Variants in PSMD1 observed in about 807,000 individuals in gnomAD.
The protein encoded by PSMD1 is proteasome 26S subunit, non-ATPase 1, also known as 26S proteasome non-ATPase regulatory subunit 1.
A neutral mutation model predicts 119.0 loss-of-function variants in PSMD1; 18 were observed. The ratio of observed to expected loss-of-function variants is 0.15; its 90% confidence interval spans 0.10 to 0.22. The LOEUF is 0.22. Ranked by LOEUF, PSMD1 falls within the 10% of genes least tolerant of loss-of-function variation. The probability of loss-of-function intolerance (pLI) is 1.00; values close to 1 mark genes in which losing one functional copy is unlikely to be tolerated. For synonymous variants in PSMD1, 374 were observed against 396.6 expected, an observed-to-expected ratio of 0.94 and a Z score of 0.68; for missense variants, 702 against 1,158.5, an observed-to-expected ratio of 0.61 and a Z score of 5.72.
Position 231,161,349 on chromosome 2 carries a change from A to G in PSMD1, c.2228A>G (p.Asn743Ser), listed in dbSNP as rs1255485462. Residue 743 changes from asparagine (N) to serine (S), a missense_variant, in exon 20 of 25, where the codon AAT (asparagine) becomes AGT (serine). Asn to Ser is a conservative substitution (Grantham distance 46). Transcript: ENST00000308696. ...CTCTCTTTTTCTACAGGTGGTCATA[A>G]TGTCACAATCTCCTTGCAGTCCAGG... is the stretch of plus-strand genomic sequence containing the variant. ...AQGILDAGGH[N>S]VTISLQSRTG... 1 of 1,608,070 alleles carries G rather than the reference A, an allele frequency of 6.2e-7. No homozygotes were observed. Among genetic ancestry groups the G allele is most frequent in the Non-Finnish European group, 8.5e-7 (1 of 1,177,208 alleles).
intron 13 of PSMD1, 102 bp downstream of exon 13, chr2:231,083,096 G>A (rs1198230201): frequency 1.1e-6 from 1 of 889,172 alleles, no homozygotes; most frequent in Admixed American, 2.9e-5. Flanking sequence ...AAATTCCGAT[G>A]GATTTCTCTA....
chr2:231,076,464 C>T (rs531130086), intron 8 of PSMD1, among the ~76,000 whole-genome samples: 21 of 152,202 alleles, frequency 1.4e-4, no homozygotes, highest in Admixed American at 5.9e-4. Context: ...GTCAGGAGTT[C>T]GAAACTAGCC....
At chr2:231,090,178 T>C (rs1252793851) in intron 16 of PSMD1, among the ~76,000 whole-genome samples, 1 of 152,252 alleles carries the variant, frequency 6.6e-6, no homozygotes, top group African/African-American at 2.4e-5. Flanking sequence ...ACAATAACCA[T>C]TCTGCAGCCT....
chr2:231,109,522 C>G (rs1695084874), intron 16 of PSMD1: 1 of 901,464 alleles, frequency 1.1e-6, no homozygotes, highest in East Asian at 2.5e-5. Context: ...CATTATAATT[C>G]CTGGGACCCA....
intron 20 of PSMD1, among the ~76,000 whole-genome samples, chr2:231,162,438 T>C (rs1052629055): frequency 1.1e-4 from 17 of 152,334 alleles, no homozygotes; most frequent in African/African-American, 4.1e-4. Flanking sequence ...CTGCTCACAT[T>C]TGTAAATATT....
intron 16 of PSMD1, among the ~76,000 whole-genome samples, chr2:231,096,372 ATG>A (rs1694726569): frequency 6.6e-6 from 1 of 151,962 alleles, no homozygotes; most frequent in African/African-American, 2.4e-5. Context: ...AAGGTAGGTG[ATG>A]GTTCCTCTTC....
intron 16 of PSMD1, chr2:231,123,889 CTTCCTT>C: frequency 1.3e-6 from 1 of 762,990 alleles, no homozygotes; most frequent in Non-Finnish European, 2.3e-6. Context: ...AAGTTGACAC[CTTCCTT>C]TAAAAAAAAA....
intron 16 of PSMD1, among the ~76,000 whole-genome samples, chr2:231,101,349 G>A (rs576393058): frequency 4.6e-5 from 7 of 152,150 alleles, no homozygotes; most frequent in East Asian, 3.9e-4. Context: ...AAAACCTCCC[G>A]GCCTTCCAGA....
intron 16 of PSMD1, among the ~76,000 whole-genome samples, chr2:231,124,309 A>G (rs1469775311): frequency 2.6e-5 from 4 of 152,198 alleles, no homozygotes; most frequent in Non-Finnish European, 5.9e-5. Context: ...AAGACACATT[A>G]ATTTTTTCAA....
chr2:231,123,395 A>G (rs750231657), intron 16 of PSMD1: 2 of 1,574,978 alleles, frequency 1.3e-6, no homozygotes, highest in South Asian at 1.1e-5. Flanking sequence ...GATGGCACAA[A>G]CAAAGTGAAA....
At chr2:231,136,251 G>A (rs1173390794) in intron 16 of PSMD1, among the ~76,000 whole-genome samples, 1 of 152,144 alleles carries the variant, frequency 6.6e-6, no homozygotes, top group Non-Finnish European at 1.5e-5. Context: ...AAGAAAGTAG[G>A]GCAGGACCTC....
intron 5 of PSMD1, among the ~76,000 whole-genome samples, chr2:231,069,235 G>T (rs1693980644): frequency 6.6e-6 from 1 of 150,644 alleles, no homozygotes; most frequent in Non-Finnish European, 1.5e-5. Flanking sequence ...TTGTATCCCA[G>T]TGCACATATA....
chr2:231,154,105 C>T (rs115952463), intron 19 of PSMD1, among the ~76,000 whole-genome samples: 3,370 of 150,926 alleles, frequency 0.022, 54 homozygotes, highest in Middle Eastern at 0.028. Flanking sequence ...AAGAGCAAAA[C>T]TCGGTCTCCA....
intron 18 of PSMD1, among the ~76,000 whole-genome samples, chr2:231,151,803 A>ATT (rs57347945): frequency 3.3e-4 from 32 of 95,668 alleles, no homozygotes; most frequent in Non-Finnish European, 5.1e-4. Flanking sequence ...AAACATGAGA[A>ATT]TTTTTTTTTT....
chr2:231,152,697 A>G (rs1487310000), intron 18 of PSMD1, among the ~76,000 whole-genome samples: 1 of 152,086 alleles, frequency 6.6e-6, no homozygotes, highest in Non-Finnish European at 1.5e-5. Context: ...CTCAAATTTG[A>G]TATTTTCTGC....
chr2:231,152,086 G>T (rs1282734206), intron 18 of PSMD1, among the ~76,000 whole-genome samples: 1 of 152,044 alleles, frequency 6.6e-6, no homozygotes, highest in Non-Finnish European at 1.5e-5. Context: ...AAAGTGCTGG[G>T]ATTACAGTCA....
In PSMD1 at chr2:231,096,381, C is replaced by T. The variant is rs190852564; in HGVS notation, c.1883+9200C>T. Among the ~76,000 whole-genome samples the T allele has an allele frequency of 3.2e-3, 480 of 152,260 alleles. 12 individuals are homozygous for T. The highest frequency in any genetic ancestry group is 2.4e-3 in the Non-Finnish European group (162 of 68,026). On this transcript the variant is annotated intron_variant, in intron 16 of 24. Transcript: ENST00000308696. ...GTCGGTAAGGTAGGTGATGGTTCCT[C>T]TTCCCTACCCTTTTTAGGCACTTCT...
In PSMD1 at chr2:231,171,851, C is replaced by T. The variant is rs1393994670; in HGVS notation, c.*10-684C>T. Among the ~76,000 whole-genome samples the T allele has an allele frequency of 7.2e-5, 11 of 152,068 alleles. No individual in the cohort carries two copies. The East Asian group carries it at 1.9e-3, about 27-fold the overall frequency. On this transcript the variant is annotated intron_variant, in intron 24 of 24. Coordinates refer to ENST00000308696, the MANE Select transcript of PSMD1 (RefSeq NM_002807.4). ...GATTACAGGTGTGAGCCACCACGCC[C>T]GGCCAATTCATTCTACTCTTTAAAA... is the stretch of plus-strand genomic sequence containing the variant.
Position 231,056,921 on chromosome 2 carries a change from C to T in PSMD1, c.-105C>T. ...AGGAGGCGACTGACTGAGCAGCGCA[C>T]CCGGGGAGCAAGGAGGCGCGGTGAA... On this transcript the variant is annotated 5_prime_UTR_variant, in exon 1 of 25. Transcript: ENST00000308696. 6.8e-7 allele frequency: 1 copy of T among 1,463,216 alleles called. No individual in the cohort carries two copies. Among genetic ancestry groups the T allele is most frequent in the Non-Finnish European group, 9.2e-7 (1 of 1,082,048 alleles). 90.6% of individuals were successfully genotyped at this position (1,463,216 alleles called of 1,614,324 possible).
Sources: gnomAD v4.1 joint callset for allele counts (sites outside exome capture counted in the v4.1 genomes callset) on GRCh38, gnomAD v4.1.1 for gene constraint, MANE v1.5 for transcripts, NCBI Gene and HGNC (gene_info 2026-07-23, HGNC 2026-07-21) for gene names.